Variants in ERC2 observed in about 807,000 individuals in gnomAD.
The protein encoded by ERC2 is ELKS/RAB6-interacting/CAST family member 2, also known as ERC protein 2.
A neutral mutation model predicts 114.8 loss-of-function variants in ERC2; 42 were observed. The observed-to-expected ratio is 0.37, with a 90% CI of 0.29 to 0.47. ERC2 has a LOEUF of 0.47. Among genes scored for constraint, ERC2 ranks in the 20% least tolerant of loss-of-function variants. The probability of loss-of-function intolerance (pLI) is 0.99; values close to 1 mark genes in which losing one functional copy is unlikely to be tolerated. For synonymous variants in ERC2, 454 were observed against 425.5 expected (o/e 1.07, Z -0.82); for missense variants, 939 against 1,150.7 (o/e 0.82, Z 2.66).
At chr3:56,174,089 A>G (rs2082835183) in intron 3 of ERC2, among the ~76,000 whole-genome samples, 1 of 152,220 alleles carries the variant, frequency 6.6e-6, no homozygotes, top group Non-Finnish European at 1.5e-5. Flanking sequence ...TGGGTGATAT[A>G]TTTATGTATC....
In ERC2 at chr3:56,118,138, G is replaced by T. The variant is rs529831004; in HGVS notation, c.1473+21371C>A. 1.2e-3 allele frequency among the ~76,000 whole-genome samples: 177 copies of T among 152,298 alleles called. 1 individual carries two copies. The highest frequency in any genetic ancestry group is 6.0e-3 in the South Asian group (29 of 4,822). On this transcript the variant is annotated intron_variant, in intron 6 of 17. Coordinates refer to ENST00000288221, the MANE Select transcript of ERC2 (RefSeq NM_015576.3). Reference sequence around the variant, plus strand: ...CTGGTCTGCCACTTCAGACAATGGGGCCTAGAGCAAGTTACTCAGCTTCCT... The same window carrying T: ...CTGGTCTGCCACTTCAGACAATGGGTCCTAGAGCAAGTTACTCAGCTTCCT...
chr3:56,227,752 C>T (rs1283465316), intron 3 of ERC2, among the ~76,000 whole-genome samples: 1 of 152,108 alleles, frequency 6.6e-6, no homozygotes, highest in African/African-American at 2.4e-5. Flanking sequence ...CAGTATCTAC[C>T]AAACTACTTT....
chr3:55,791,618 C>T (rs1462203322), intron 14 of ERC2, among the ~76,000 whole-genome samples: 1 of 152,072 alleles, frequency 6.6e-6, no homozygotes, highest in Admixed American at 6.6e-5. Flanking sequence ...CTTTTATTTT[C>T]AAGACATGCA....
intron 9 of ERC2, among the ~76,000 whole-genome samples, chr3:56,009,758 G>T (rs769813439): frequency 6.6e-6 from 1 of 152,118 alleles, no homozygotes; most frequent in Non-Finnish European, 1.5e-5. Context: ...AGGGTTACAG[G>T]GATCCCTTGA....
At chr3:55,803,640 C>G (rs2059387423) in intron 14 of ERC2, among the ~76,000 whole-genome samples, 1 of 149,414 alleles carries the variant, frequency 6.7e-6, no homozygotes, top group Non-Finnish European at 1.5e-5. Flanking sequence ...TTTCTTAATT[C>G]AGAATGAAAT....
chr3:56,219,982 A>C (rs183581509), intron 3 of ERC2, among the ~76,000 whole-genome samples: 16 of 152,348 alleles, frequency 1.1e-4, no homozygotes, highest in Admixed American at 1.0e-3. Flanking sequence ...AGTGCATTGC[A>C]TATGATAAAA....
chr3:56,461,400 T>C (rs1257528380), intron 1 of ERC2, among the ~76,000 whole-genome samples: 1 of 152,212 alleles, frequency 6.6e-6, no homozygotes, highest in Non-Finnish European at 1.5e-5. Flanking sequence ...GTTCATTTAG[T>C]GACTGAAAGG....
chr3:56,111,195 T>C (rs759825891), intron 6 of ERC2, among the ~76,000 whole-genome samples: 1 of 152,012 alleles, frequency 6.6e-6, no homozygotes, highest in Non-Finnish European at 1.5e-5. Context: ...CTTTAAGAGA[T>C]TCACTTTCTA....
chr3:55,911,433 G>A (rs1461965110), intron 13 of ERC2, among the ~76,000 whole-genome samples: 1 of 151,990 alleles, frequency 6.6e-6, no homozygotes, highest in Non-Finnish European at 1.5e-5. Context: ...CATCGTAAGC[G>A]GCTAGTCTGC....
At chr3:55,857,069 G>T (rs1447396475) in intron 14 of ERC2, among the ~76,000 whole-genome samples, 2 of 151,738 alleles carry the variant, frequency 1.3e-5, no homozygotes, top group Admixed American at 1.3e-4. Context: ...GGGGGTGGGG[G>T]TGGTTCTAGA....
At chr3:56,207,290 A>AC (rs1305396356) in intron 3 of ERC2, among the ~76,000 whole-genome samples, 1 of 152,160 alleles carries the variant, frequency 6.6e-6, no homozygotes, top group Non-Finnish European at 1.5e-5. Flanking sequence ...AAATTAAAAA[A>AC]ACACACAATA....
chr3:56,442,166 T>C (rs1357347162), intron 1 of ERC2, among the ~76,000 whole-genome samples: 1 of 152,154 alleles, frequency 6.6e-6, no homozygotes, highest in Non-Finnish European at 1.5e-5. Flanking sequence ...AAATCCCGAA[T>C]TACGAAACTC....
intron 14 of ERC2, among the ~76,000 whole-genome samples, chr3:55,869,736 C>T (rs1379667860): frequency 1.3e-5 from 2 of 152,180 alleles, no homozygotes; most frequent in South Asian, 2.1e-4. Context: ...AGTGTGAGCT[C>T]GACTAGGCAG....
intron 2 of ERC2, among the ~76,000 whole-genome samples, chr3:56,426,740 C>A (rs1291081566): frequency 2.0e-5 from 3 of 152,224 alleles, no homozygotes; most frequent in African/African-American, 7.2e-5. Context: ...TTTAACCCAA[C>A]TAAGTTGTAG....
chr3:55,869,697 C>T (rs112527625), intron 14 of ERC2, among the ~76,000 whole-genome samples: 1 of 152,102 alleles, frequency 6.6e-6, no homozygotes, highest in Non-Finnish European at 1.5e-5. Context: ...ATTATAATTA[C>T]CAGCTTATCC....
chr3:56,069,861 A>G (rs2076646794), intron 7 of ERC2, among the ~76,000 whole-genome samples: 1 of 152,222 alleles, frequency 6.6e-6, no homozygotes, highest in Non-Finnish European at 1.5e-5. Flanking sequence ...CCATGAAAAC[A>G]GTCTGTTTAA....
At chr3:56,427,043 G>A (rs2061599070) in intron 2 of ERC2, among the ~76,000 whole-genome samples, 1 of 150,572 alleles carries the variant, frequency 6.6e-6, no homozygotes, top group African/African-American at 2.4e-5. Flanking sequence ...TGGTGGTGTG[G>A]TCCCAGTACT....
At chr3:56,306,630 GGGA>G (rs1270837588) in intron 2 of ERC2, among the ~76,000 whole-genome samples, 2 of 152,196 alleles carry the variant, frequency 1.3e-5, no homozygotes, top group East Asian at 3.8e-4. Context: ...AGGTGGGGCA[GGGA>G]GGCTCTCCAG....
intron 2 of ERC2, among the ~76,000 whole-genome samples, chr3:56,376,459 C>CAA (rs35882741): frequency 2.1e-5 from 3 of 143,698 alleles, no homozygotes; most frequent in Admixed American, 6.9e-5. Flanking sequence ...TAATTGCTCC[C>CAA]AAAAAAAAAA....
Sources: allele counts gnomAD v4.1 joint callset (sites outside exome capture counted in the v4.1 genomes callset), GRCh38; gene constraint gnomAD v4.1.1; transcripts MANE v1.5; gene names NCBI Gene and HGNC (gene_info 2026-07-23, HGNC 2026-07-21).